Variants in MYOF observed in about 807,000 individuals in gnomAD.
The protein encoded by MYOF is fer-1-like 3, myoferlin.
A neutral mutation model predicts 284.2 loss-of-function variants in MYOF; 244 were observed. The ratio of observed to expected loss-of-function variants is 0.86; its 90% CI spans 0.77 to 0.95. The LOEUF is 0.95. Among genes scored for constraint, MYOF ranks in the 40% least tolerant of loss-of-function variants. The pLI, the probability that MYOF is intolerant of heterozygous loss-of-function variation, is 0.00. For missense variants in MYOF, 2,496 were observed against 2,560.6 expected (o/e 0.97, Z 0.54); for synonymous variants, 904 against 919.7 (o/e 0.98, Z 0.31).
chr10:93,379,814 T>A, intron 21 of MYOF, 49 bp downstream of exon 21: 1 of 1,607,526 alleles, frequency 6.2e-7, no homozygotes, highest in Non-Finnish European at 8.5e-7. Flanking sequence ...TCCTAATACC[T>A]AATTCACCCT....
chr10:93,315,779 G>T (rs995854647), intron 50 of MYOF, among the ~76,000 whole-genome samples: 7 of 152,060 alleles, frequency 4.6e-5, no homozygotes, highest in African/African-American at 7.2e-5. Context: ...GGAGGGGGTG[G>T]TTGGCGGGTT....
At chr10:93,377,453 A>C in intron 21 of MYOF, 24 bp from the exon 22 acceptor site, 2 of 1,496,330 alleles carry the variant, frequency 1.3e-6, no homozygotes, top group Admixed American at 3.4e-5. Flanking sequence ...AAAGAGAGGA[A>C]ATAATTGATA....
rs757867787 is a variant in MYOF, at chr10:93,328,818, G to A, written c.5076C>T (p.Ser1692=). 18 of 1,613,350 alleles carry A rather than the reference G, an allele frequency of 1.1e-5. No homozygotes were observed. Among genetic ancestry groups the A allele is most frequent in the Middle Eastern group, 1.6e-4 (1 of 6,078 alleles). Residue 1692 remains serine (S), a synonymous_variant, in exon 45 of 54, where the codon TCC becomes TCT. Coordinates refer to ENST00000359263, the MANE Select transcript of MYOF (RefSeq NM_013451.4). ...RFKGFPQPIL[S]EDGSRIRYGG... Reference sequence around the variant, plus strand: ...CATATCTGATTCTACTCCCATCTTCGGAAAGGATGGGTTGTGGGAAGCCTT... The same window carrying A: ...CATATCTGATTCTACTCCCATCTTCAGAAAGGATGGGTTGTGGGAAGCCTT...
In MYOF at chr10:93,431,519, G is replaced by T. The variant is rs753356801; in HGVS notation, c.237-3C>A. Reference sequence around the variant, plus strand: ...CTACAGTCGCCGTGCCAATTAATCTGCAGGGAAAACAGGAAAGCACATAGC... The same window carrying T: ...CTACAGTCGCCGTGCCAATTAATCTTCAGGGAAAACAGGAAAGCACATAGC... On this transcript the variant is annotated splice_polypyrimidine_tract_variant and splice_region_variant and intron_variant, in intron 3 of 53. Transcript: ENST00000359263. The T allele has an allele frequency of 1.2e-6, 2 of 1,612,690 alleles. No individual in the cohort carries two copies. Among genetic ancestry groups the T allele is most frequent in the Non-Finnish European group, 8.5e-7 (1 of 1,179,014 alleles).
intron 49 of MYOF, 109 bp downstream of exon 49, chr10:93,319,763 G>T: frequency 6.9e-7 from 1 of 1,455,562 alleles, no homozygotes; most frequent in Non-Finnish European, 9.4e-7. Flanking sequence ...CTGAGAAGGA[G>T]CCGGACTCAG....
chr10:93,473,703 C>T lies in MYOF; in HGVS notation c.88+8404G>A, dbSNP rs1023957348. 6.6e-5 allele frequency among the ~76,000 whole-genome samples: 10 copies of T among 152,112 alleles called. No individual in the cohort carries two copies. The East Asian group carries it at 9.6e-4, about 15-fold the overall frequency. ...AGAAAAATCAAGGTTTCCTTGAGCACGCTGAAGTGGGTATCTGCTCCTTGT... is the reference window on the plus strand; with the variant it reads ...AGAAAAATCAAGGTTTCCTTGAGCATGCTGAAGTGGGTATCTGCTCCTTGT... On this transcript the variant is annotated intron_variant, in intron 1 of 53. Transcript: ENST00000359263.
intron 51 of MYOF, among the ~76,000 whole-genome samples, chr10:93,310,903 CTCACATTG>C (rs1292286817): frequency 6.6e-6 from 1 of 152,142 alleles, no homozygotes; most frequent in African/African-American, 2.4e-5. Flanking sequence ...CTCTAACATT[CTCACATTG>C]GTCTCCTTGT....
chr10:93,327,824 C>A (rs561270232), intron 45 of MYOF, among the ~76,000 whole-genome samples: 2 of 152,264 alleles, frequency 1.3e-5, no homozygotes, highest in South Asian at 2.1e-4. Flanking sequence ...GAGGCACGAT[C>A]TCAGCTCACT....
chr10:93,354,214 C>G (rs996049828), intron 31 of MYOF, among the ~76,000 whole-genome samples: 23 of 152,182 alleles, frequency 1.5e-4, no homozygotes, highest in African/African-American at 5.3e-4. Context: ...TGTGTCTCTA[C>G]TAAAAATTCA....
At chr10:93,334,417 T>C (rs1843500802) in intron 41 of MYOF, among the ~76,000 whole-genome samples, 1 of 152,064 alleles carries the variant, frequency 6.6e-6, no homozygotes, top group South Asian at 2.1e-4. Flanking sequence ...CTCTGGGTGC[T>C]CTCATCCAAC....
rs752130485 is a variant in MYOF at position 93,306,933 on chromosome 10, A to C, written c.*30T>G. ...AGAGGCAGGATTCTCTCATTGCTGG[A>C]TGACTCTTGAAATGAAGCCTTTGCC... On this transcript the variant is annotated 3_prime_UTR_variant, in exon 54 of 54. Transcript: ENST00000359263. 6.8e-6 allele frequency: 11 copies of C among 1,606,190 alleles called. No individual in the cohort carries two copies. In the East Asian group the frequency reaches 8.9e-5, roughly 13 times the overall value.
Position 93,377,368 on chromosome 10 carries a change from GC to G in MYOF, c.2062del (p.Ala688LeufsTer5). On this transcript the variant is annotated frameshift_variant, in exon 22 of 54. Transcript: ENST00000359263. LOFTEE classifies it high-confidence loss of function. ...IQGKIPANQL[A>X]ELWLKLIDEV... Reference sequence around the variant, plus strand: ...ATCTATCAGCTTCAGCCACAATTCAGCCAGCTGGTTTGCAGGAATTTTACCT... The same window carrying G: ...ATCTATCAGCTTCAGCCACAATTCAGCAGCTGGTTTGCAGGAATTTTACCT... 6.2e-7 allele frequency: 1 copy of G among 1,614,074 alleles called. No homozygotes were observed.
At chr10:93,404,103 A>G in intron 8 of MYOF, 30 bp from the exon 9 acceptor site, 1 of 1,614,016 alleles carries the variant, frequency 6.2e-7, no homozygotes, top group Non-Finnish European at 8.5e-7. Context: ...TGAAGAAATG[A>G]TTGGCTTTGC....
intron 37 of MYOF, among the ~76,000 whole-genome samples, chr10:93,347,035 C>G (rs1293276944): frequency 6.6e-6 from 1 of 152,138 alleles, no homozygotes; most frequent in Non-Finnish European, 1.5e-5. Context: ...TTACATTCAC[C>G]CAGGAGCAGG....
In MYOF at chr10:93,431,496, A is replaced by G. The variant is rs1410822001; in HGVS notation, c.257T>C (p.Val86Ala). 8.7e-6 allele frequency: 14 copies of G among 1,613,762 alleles called. No individual in the cohort carries two copies. ...GQNKLIGTATVALKDLTGDQS... is the reference protein window; with the variant it reads ...GQNKLIGTATAALKDLTGDQS... ...GTCACCAGTCAGGTCCTTCAGGGCT[A>G]CAGTCGCCGTGCCAATTAATCTGCA... Residue 86 changes from valine to alanine, a missense_variant, in exon 4 of 54, where the codon GTA becomes GCA. Transcript: ENST00000359263.
intron 3 of MYOF, among the ~76,000 whole-genome samples, chr10:93,447,079 C>T (rs1708906997): frequency 2.0e-5 from 3 of 152,194 alleles, no homozygotes. Context: ...CAGCACGATG[C>T]ATGGTGCCCC....
chr10:93,326,221 G>A (rs1268457763), intron 45 of MYOF, among the ~76,000 whole-genome samples: 3 of 152,180 alleles, frequency 2.0e-5, no homozygotes, highest in Non-Finnish European at 4.4e-5. Context: ...GTAAGTGGGA[G>A]CGTTATATAT....
chr10:93,407,483 C>A (rs1450967743), intron 7 of MYOF, among the ~76,000 whole-genome samples: 2 of 145,282 alleles, frequency 1.4e-5, no homozygotes, highest in Non-Finnish European at 3.0e-5. Flanking sequence ...GTAATCCCAG[C>A]ACTATGGGAG....
intron 53 of MYOF, among the ~76,000 whole-genome samples, chr10:93,309,755 A>G (rs1300609864): frequency 6.6e-6 from 1 of 152,208 alleles, no homozygotes; most frequent in Non-Finnish European, 1.5e-5. Context: ...ACTGACCGAG[A>G]CCTGAGTGAT....
Sources: gnomAD v4.1 joint callset for allele counts (sites outside exome capture counted in the v4.1 genomes callset) on GRCh38, gnomAD v4.1.1 for gene constraint, MANE v1.5 for transcripts, NCBI Gene and HGNC (gene_info 2026-07-23, HGNC 2026-07-21) for gene names.